The following EDA variants were observed in gnomAD, a reference collection of about 807,000 sequenced individuals.
The protein encoded by EDA is ectodysplasin-A.
A neutral mutation model predicts 23.6 loss-of-function variants in EDA; 2 were observed. The ratio of observed to expected loss-of-function variants is 0.08; its 90% CI spans 0.03 to 0.27. EDA has a LOEUF of 0.27. Ranked by LOEUF, EDA falls within the 10% of genes least tolerant of loss-of-function variation. The pLI is 1.00. For synonymous variants in EDA, 131 were observed against 132.0 expected, an observed-to-expected ratio of 0.99 and a Z score of 0.05; for missense variants, 229 against 324.2, an observed-to-expected ratio of 0.71 and a Z score of 2.26.
intron 1 of EDA, among the ~76,000 whole-genome samples, chrX:69,760,595 C>T (rs768581325): frequency 6.6e-4 from 74 of 111,984 alleles, no homozygotes; most frequent in Non-Finnish European, 1.2e-3. Context: ...TGCCTTATTC[C>T]AGCAAGGATA....
At chrX:69,888,957 A>G (rs2017871509) in intron 1 of EDA, among the ~76,000 whole-genome samples, 1 of 53,296 alleles carries the variant, frequency 1.9e-5, no homozygotes, top group Non-Finnish European at 3.3e-5. Flanking sequence ...AGTGAAGTGG[A>G]ATTGTTGTAT....
intron 1 of EDA, 59 bp downstream of exon 1, chrX:69,616,763 C>G (rs1056035024): frequency 8.4e-6 from 10 of 1,193,513 alleles, no homozygotes; most frequent in Non-Finnish European, 1.1e-5. Context: ...GGCGAGGGCC[C>G]TCCGCCACAG....
At chrX:69,956,086 T>A (rs1220600078) in intron 1 of EDA, among the ~76,000 whole-genome samples, 1 of 111,710 alleles carries the variant, frequency 9.0e-6, no homozygotes, top group Non-Finnish European at 1.9e-5. Flanking sequence ...TATAGGAATC[T>A]CAGAAGAGGA....
intron 1 of EDA, among the ~76,000 whole-genome samples, chrX:69,936,881 C>T (rs1199539475): frequency 1.8e-5 from 2 of 111,958 alleles, no homozygotes; most frequent in Non-Finnish European, 3.8e-5. Flanking sequence ...CTGTCACACA[C>T]GCTTGCTAAC....
intron 1 of EDA, among the ~76,000 whole-genome samples, chrX:69,800,033 C>T (rs1229285145): frequency 1.8e-5 from 2 of 111,582 alleles, no homozygotes; most frequent in East Asian, 5.6e-4. Flanking sequence ...ACTATTTGGC[C>T]ATAGAAAATA....
intron 1 of EDA, among the ~76,000 whole-genome samples, chrX:69,712,813 A>G (rs1362276655): frequency 9.0e-6 from 1 of 111,255 alleles, no homozygotes; most frequent in African/African-American, 3.3e-5. Flanking sequence ...AACCAACCCA[A>G]ATGTCCAACA....
At chrX:69,667,279 A>AT (rs996906109) in intron 1 of EDA, among the ~76,000 whole-genome samples, 10 of 106,344 alleles carry the variant, frequency 9.4e-5, no homozygotes, top group East Asian at 9.0e-4. Flanking sequence ...CGCCCAGCTA[A>AT]TTTTTTTTTA....
At chrX:69,943,221 C>G (rs1380193731) in intron 1 of EDA, among the ~76,000 whole-genome samples, 2 of 111,333 alleles carry the variant, frequency 1.8e-5, no homozygotes, top group Non-Finnish European at 3.8e-5. Flanking sequence ...TTGGTAAGGT[C>G]TTGATGCTTG....
intron 1 of EDA, among the ~76,000 whole-genome samples, chrX:69,836,544 G>A: frequency 1.8e-5 from 2 of 112,727 alleles, no homozygotes. Flanking sequence ...ACCGAGCCAG[G>A]CATTGGAGAG....
chrX:69,797,538 A>G (rs1428211423), intron 1 of EDA, among the ~76,000 whole-genome samples: 2 of 111,488 alleles, frequency 1.8e-5, no homozygotes, highest in Non-Finnish European at 3.8e-5. Context: ...CAGACAAAAG[A>G]TGAGAGACTT....
intron 1 of EDA, among the ~76,000 whole-genome samples, chrX:69,911,266 A>C (rs2018262965): frequency 9.0e-6 from 1 of 111,722 alleles, no homozygotes; most frequent in African/African-American, 3.3e-5. Context: ...TTCAGACAGA[A>C]TCTATATCCA....
chrX:69,789,973 T>C lies in EDA; in HGVS notation c.397-167054T>C, dbSNP rs147574931. 4.9e-4 allele frequency among the ~76,000 whole-genome samples: 55 copies of C among 111,910 alleles called. No individual in the cohort carries two copies. The East Asian group carries it at 0.015, about 30-fold the overall frequency. On this transcript the variant is annotated intron_variant, in intron 1 of 7. Transcript: ENST00000374552. ...CTTAGATTTCTGATTCCCAGGCCTG[T>C]TTAAAAACACTTTAGAAGATGTTTT... is the stretch of plus-strand genomic sequence containing the variant.
At chrX:69,942,052 A>C (rs1479249369) in intron 1 of EDA, among the ~76,000 whole-genome samples, 2 of 111,971 alleles carry the variant, frequency 1.8e-5, no homozygotes, top group Admixed American at 1.9e-4. Context: ...ACAAACTAAC[A>C]AGCAAAGAGA....
chrX:69,765,228 C>T (rs893867684), intron 1 of EDA, among the ~76,000 whole-genome samples: 1 of 112,009 alleles, frequency 8.9e-6, no homozygotes, highest in East Asian at 2.8e-4. Context: ...CATTTTCATG[C>T]GTTCATTCAA....
At chrX:69,960,978 C>T (rs1232737740) in intron 2 of EDA, among the ~76,000 whole-genome samples, 2 of 108,069 alleles carry the variant, frequency 1.9e-5, no homozygotes, top group African/African-American at 6.8e-5. Flanking sequence ...AAGATCGTGC[C>T]ACTGCACTTC....
chrX:69,861,816 G>C (rs1385510169), intron 1 of EDA, among the ~76,000 whole-genome samples: 1 of 111,675 alleles, frequency 9.0e-6, no homozygotes, highest in Admixed American at 9.5e-5. Flanking sequence ...CATTTAGTAG[G>C]AGTTTGTGAG....
chrX:69,878,808 T>C (rs1465236657), intron 1 of EDA, among the ~76,000 whole-genome samples: 2 of 109,774 alleles, frequency 1.8e-5, no homozygotes, highest in Admixed American at 9.8e-5. Flanking sequence ...CTTCTTGCTT[T>C]TGTTAAGTGA....
At chrX:69,957,356 C>T (rs1171796367) in intron 2 of EDA, 1 of 354,200 alleles carries the variant, frequency 2.8e-6, no homozygotes, top group East Asian at 5.4e-5. Context: ...TTAGCCGGGC[C>T]TAGTCCCAGC....
intron 7 of EDA, among the ~76,000 whole-genome samples, chrX:70,034,562 T>C (rs892813741): frequency 2.5e-4 from 28 of 110,932 alleles, no homozygotes; most frequent in African/African-American, 8.9e-4. Context: ...GTGTGAGGTA[T>C]GATGGATAAG....
Sources: gnomAD v4.1 joint callset for allele counts (sites outside exome capture counted in the v4.1 genomes callset) on GRCh38, gnomAD v4.1.1 for gene constraint, MANE v1.5 for transcripts, NCBI Gene and HGNC (gene_info 2026-07-23, HGNC 2026-07-21) for gene names.